DIP2A: variants seen among roughly 807,000 people sequenced by gnomAD.
The protein encoded by DIP2A is disco-interacting protein 2 homolog A.
A neutral mutation model predicts 177.4 loss-of-function variants in DIP2A; 85 were observed. The observed-to-expected ratio is 0.48, with a 90% CI of 0.40 to 0.57. The LOEUF (loss-of-function observed/expected upper bound fraction) is 0.57, where lower values mean the gene tolerates loss of function less well. Among genes scored for constraint, DIP2A ranks in the 20% least tolerant of loss-of-function variants. The pLI is 0.00. For missense variants in DIP2A, 1,791 were observed against 2,100.2 expected (o/e 0.85, Z 2.88); for synonymous variants, 886 against 881.8 (o/e 1.00, Z -0.08).
intron 1 of DIP2A, among the ~76,000 whole-genome samples, chr21:46,483,649 A>G (rs140657094): frequency 0.015 from 2,268 of 152,372 alleles, 22 homozygotes; most frequent in African/African-American, 0.025. Flanking sequence ...CAGATATTCA[A>G]CGGTGTCAGT....
At position 46,563,777 on chromosome 21, in the gene DIP2A, GACGTTATTTTAATGTC is replaced by G; in HGVS notation, c.4090-78_4090-63del. On this transcript the variant is annotated intron_variant, in intron 34 of 37. Transcript: ENST00000417564. The surrounding 1 kb of genome is among the most constrained non-coding windows in gnomAD (Gnocchi z 4.3). ...CAGTCCTGCAGGCCAGCTTCTGAGGGACGTTATTTTAATGTCACTGAATCAAGAGAGTCTCGTGTCA... is the reference window on the plus strand; with the variant it reads ...CAGTCCTGCAGGCCAGCTTCTGAGGGACTGAATCAAGAGAGTCTCGTGTCA... The G allele has an allele frequency of 3.2e-6, 5 of 1,554,478 alleles. No individual in the cohort carries two copies. The highest frequency in any genetic ancestry group is 1.4e-5 in the African/African-American group (1 of 73,394).
rs373214438 is a variant in DIP2A at position 46,561,501 on chromosome 21, G to A, written c.4032-247G>A. ...TGCTGGGTTCAGGGAGGACCTAAAC[G>A]AAATGTAGAGTGAGCTGCTGTGAGC... On this transcript the variant is annotated intron_variant, in intron 33 of 37. Transcript: ENST00000417564. The A allele has an allele frequency of 1.8e-3, 1,020 of 577,380 alleles. 27 individuals are homozygous for A. The highest frequency in any genetic ancestry group is 0.015 in the South Asian group (881 of 59,890). 35.8% of individuals were successfully genotyped at this position (577,380 alleles called of 1,614,324 possible).
chr21:46,575,887 GACTA>G, the DIP2A span, among the ~76,000 whole-genome samples: 3 of 152,114 alleles, frequency 2.0e-5, no homozygotes, highest in Non-Finnish European at 4.4e-5. Flanking sequence ...TTTGCAGAAA[GACTA>G]ACTCATTCTA....
chr21:46,571,458 G>A (rs2060966693), downstream of DIP2A, among the ~76,000 whole-genome samples: 1 of 152,124 alleles, frequency 6.6e-6, no homozygotes, highest in Non-Finnish European at 1.5e-5. Flanking sequence ...AGCTTGATGG[G>A]GATAGCATTG....
Position 46,563,950 on chromosome 21 carries a change from G to C in DIP2A, c.4164+18G>C. The C allele has an allele frequency of 6.2e-7, 1 of 1,611,172 alleles. No individual in the cohort carries two copies. The highest frequency in any genetic ancestry group is 8.5e-7 in the Non-Finnish European group (1 of 1,179,112). On this transcript the variant is annotated intron_variant, in intron 35 of 37. Transcript: ENST00000417564. This position sits in a 1 kb window ranked among gnomAD's most constrained non-coding sequence, Gnocchi z 4.3. The stretch of plus-strand genomic sequence containing the variant: ...TGGGAGAGGTGAGCAGGGGCCCATG[G>C]GAGGGGCTTGAGCTCTCCAGCCTCA...
At chr21:46,513,189 G>T (rs1241413840) in intron 8 of DIP2A, among the ~76,000 whole-genome samples, 2 of 151,438 alleles carry the variant, frequency 1.3e-5, no homozygotes, top group African/African-American at 4.9e-5. Context: ...ATATTTTCCT[G>T]CATGCTCTTC....
At chr21:46,514,627 T>G (rs1471543646) in intron 8 of DIP2A, among the ~76,000 whole-genome samples, 10 of 139,884 alleles carry the variant, frequency 7.1e-5, no homozygotes, top group African/African-American at 1.1e-4. Context: ...CTTTTTTTTT[T>G]TTTTTTTTTT....
At chr21:46,571,358 G>T (rs9981254), downstream of DIP2A, among the ~76,000 whole-genome samples, 20,278 of 152,168 alleles carry the variant, frequency 0.13, 1,930 homozygotes, top group African/African-American at 0.27. Context: ...TCAGCAGATT[G>T]CTCATCAGAA....
intron 8 of DIP2A, among the ~76,000 whole-genome samples, chr21:46,523,754 T>C (rs1241211554): frequency 6.6e-6 from 1 of 152,148 alleles, no homozygotes; most frequent in Non-Finnish European, 1.5e-5. Context: ...CCTTTAGAGC[T>C]AACTATGATA....
At chr21:46,503,625 TTTC>T (rs2057800321) in intron 5 of DIP2A, among the ~76,000 whole-genome samples, 2 of 134,320 alleles carry the variant, frequency 1.5e-5, no homozygotes, top group South Asian at 2.5e-4. Context: ...TCTTTCTTTC[TTTC>T]TTTCTTTCCT....
intron 8 of DIP2A, among the ~76,000 whole-genome samples, chr21:46,515,724 G>A (rs1308424999): frequency 1.3e-5 from 2 of 151,388 alleles, no homozygotes; most frequent in Non-Finnish European, 2.9e-5. Flanking sequence ...TTTTAGTGTA[G>A]TCGAGGTCTC....
At chr21:46,539,149 G>A (rs1268073120) in intron 16 of DIP2A, 1 of 121,586 alleles carries the variant, frequency 8.2e-6, no homozygotes, top group South Asian at 2.1e-4. Context: ...GCCCAGGACT[G>A]TCCAGGGTCT....
chr21:46,545,140 AT>A lies in DIP2A; in HGVS notation c.2181del (p.Asn727LysfsTer5). ...QDVGQVMPGA[N>X]VCVVKLEGTP... The stretch of plus-strand genomic sequence containing the variant: ...TGAGTTTTTTTTCTCATTTTAGCTA[AT>A]GTATGTGTTGTGAAGTTAGAAGGTA... On this transcript the variant is annotated frameshift_variant, in exon 19 of 38. Coordinates refer to ENST00000417564, the MANE Select transcript of DIP2A (RefSeq NM_015151.4). LOFTEE classifies it high-confidence loss of function. 1 of 1,578,650 alleles carries A rather than the reference AT, an allele frequency of 6.3e-7. No individual in the cohort carries two copies. Among genetic ancestry groups the A allele is most frequent in the Non-Finnish European group, 8.6e-7 (1 of 1,156,990 alleles).
chr21:46,570,580 G>GT (rs2060951231), downstream of DIP2A, among the ~76,000 whole-genome samples: 1 of 152,158 alleles, frequency 6.6e-6, no homozygotes. Flanking sequence ...GGTGCAGATG[G>GT]TTTTTTAGAT....
intron 2 of DIP2A, among the ~76,000 whole-genome samples, chr21:46,488,938 C>T (rs917523104): frequency 1.3e-5 from 2 of 152,252 alleles, no homozygotes; most frequent in African/African-American, 2.4e-5. Flanking sequence ...TGTCACTTTA[C>T]AGCATGCTTG....
chr21:46,485,801 G>A (rs976667172), intron 2 of DIP2A, among the ~76,000 whole-genome samples: 11 of 152,002 alleles, frequency 7.2e-5, no homozygotes, highest in African/African-American at 2.2e-4. Flanking sequence ...GGCCAGGCGC[G>A]GTGGCTCACG....
intron 20 of DIP2A, chr21:46,546,448 C>T: frequency 2.9e-6 from 1 of 350,104 alleles, no homozygotes; most frequent in South Asian, 8.6e-5. Flanking sequence ...ACCTAGAGGC[C>T]AGAGATGCTG....
At chr21:46,491,219 T>C (rs2056993934) in intron 3 of DIP2A, among the ~76,000 whole-genome samples, 1 of 152,144 alleles carries the variant, frequency 6.6e-6, no homozygotes, top group Admixed American at 6.5e-5. Context: ...AGAATGGCCA[T>C]TGAAAAAAAT....
chr21:46,534,755 T>C (rs2059493579), intron 13 of DIP2A, 68 bp downstream of exon 13: 7 of 1,389,862 alleles, frequency 5.0e-6, no homozygotes, highest in African/African-American at 1.4e-5. Flanking sequence ...TACCTAATCA[T>C]GTGACTGTCA....
Sources: allele counts gnomAD v4.1 joint callset (sites outside exome capture counted in the v4.1 genomes callset), GRCh38; gene constraint gnomAD v4.1.1; non-coding constraint Gnocchi (gnomAD v3.1); transcripts MANE v1.5; gene names NCBI Gene and HGNC (gene_info 2026-07-23, HGNC 2026-07-21).